Variants in MTUS1 observed in about 807,000 individuals in gnomAD.
MTUS1 encodes microtubule associated scaffold protein 1, also known as microtubule-associated tumor suppressor 1.
Under a neutral mutation model 120.8 loss-of-function variants are expected in MTUS1, and 109 were observed. That is an observed-to-expected ratio of 0.90 (90% CI 0.77 to 1.06). The LOEUF (loss-of-function observed/expected upper bound fraction) is 1.06. MTUS1 is among the 50% of genes least tolerant of loss of function. The pLI, the probability that MTUS1 is intolerant of heterozygous loss-of-function variation, is 0.00. For missense variants in MTUS1, 2,210 were observed against 1,486.3 expected (o/e 1.49, Z -8.01); for synonymous variants, 737 against 550.5 (o/e 1.34, Z -4.74).
chr8:17,771,470 A>G (rs2050018640), intron 1 of MTUS1, among the ~76,000 whole-genome samples: 1 of 152,232 alleles, frequency 6.6e-6, no homozygotes, highest in Non-Finnish European at 1.5e-5. Context: ...CAATTAAAAG[A>G]TCTGCAAATC....
chr8:17,766,351 C>T (rs770930918), intron 1 of MTUS1, among the ~76,000 whole-genome samples: 8 of 152,094 alleles, frequency 5.3e-5, no homozygotes, highest in Non-Finnish European at 7.4e-5. Flanking sequence ...TGTTTAATTC[C>T]CACTCATGCC....
chr8:17,760,667 C>G (rs1430271668), intron 1 of MTUS1, among the ~76,000 whole-genome samples: 1 of 152,180 alleles, frequency 6.6e-6, no homozygotes, highest in African/African-American at 2.4e-5. Context: ...TTGCCTTCAT[C>G]TCACCTGACT....
At chr8:17,759,593 T>C (rs905724078) in intron 1 of MTUS1, among the ~76,000 whole-genome samples, 6 of 147,962 alleles carry the variant, frequency 4.1e-5, no homozygotes, top group African/African-American at 1.5e-4. Context: ...TATATATGTA[T>C]ATTTTATATA....
intron 3 of MTUS1, among the ~76,000 whole-genome samples, chr8:17,731,411 A>G (rs2046569281): frequency 6.6e-6 from 1 of 152,224 alleles, no homozygotes; most frequent in African/African-American, 2.4e-5. Context: ...AAATGAATTT[A>G]TAATTTTAAA....
intron 13 of MTUS1, among the ~76,000 whole-genome samples, chr8:17,648,000 T>C (rs1806196106): frequency 6.6e-6 from 1 of 152,130 alleles, no homozygotes. Flanking sequence ...TAAATCACTT[T>C]CCAGAAAAGG....
chr8:17,699,023 C>T (rs558625526), intron 6 of MTUS1, among the ~76,000 whole-genome samples: 1 of 152,128 alleles, frequency 6.6e-6, no homozygotes. Flanking sequence ...GAACCTTTTC[C>T]TCTACCTCCC....
At chr8:17,656,962 G>A (rs960454293) in intron 8 of MTUS1, among the ~76,000 whole-genome samples, 3 of 150,708 alleles carry the variant, frequency 2.0e-5, no homozygotes, top group African/African-American at 7.3e-5. Flanking sequence ...GGGAAGTTGA[G>A]GCAGGAGAAT....
intron 1 of MTUS1, among the ~76,000 whole-genome samples, chr8:17,756,306 CAG>C (rs1365398741): frequency 6.6e-6 from 1 of 152,128 alleles, no homozygotes; most frequent in Non-Finnish European, 1.5e-5. Flanking sequence ...TGTTGGCTGA[CAG>C]AGTGACAATT....
chr8:17,684,565 T>A, intron 6 of MTUS1, 23 bp from the exon 7 acceptor site: 1 of 1,583,282 alleles, frequency 6.3e-7, no homozygotes, highest in South Asian at 1.1e-5. Context: ...TTAACATAGG[T>A]ACAAAGATAG....
chr8:17,724,747 G>A (rs2046100076), intron 3 of MTUS1, among the ~76,000 whole-genome samples: 2 of 152,096 alleles, frequency 1.3e-5, no homozygotes, highest in Non-Finnish European at 2.9e-5. Flanking sequence ...CCATTCTCTT[G>A]GAGAGTCTAT....
chr8:17,662,575 C>T (rs908630226), intron 8 of MTUS1, among the ~76,000 whole-genome samples: 11 of 151,790 alleles, frequency 7.2e-5, no homozygotes, highest in African/African-American at 2.2e-4. Context: ...AGACTGGTCT[C>T]GAACTTCTGG....
At chr8:17,672,730 G>A (rs7387434) in intron 8 of MTUS1, among the ~76,000 whole-genome samples, 151,453 of 152,318 alleles carry the variant, frequency 0.99, 75,308 homozygotes, top group East Asian at 1. Flanking sequence ...TGGGTGACTG[G>A]GGATCTGGAT....
At position 17,714,557 on chromosome 8, in the gene MTUS1, A is replaced by G. The variant is rs144646623; in HGVS notation, c.2584+1210T>C. On this transcript the variant is annotated intron_variant, in intron 5 of 14. Transcript: ENST00000693296. ...CAATAAAAGTCAGAAGTTGCCCACT[A>G]TAAACTGAAGTGGACAACCATAGAA... Among the ~76,000 whole-genome samples the G allele has an allele frequency of 7.1e-3, 1,081 of 152,330 alleles. 11 individuals are homozygous for G. Among genetic ancestry groups the G allele is most frequent in the African/African-American group, 0.024 (1,008 of 41,568 alleles).
intron 8 of MTUS1, among the ~76,000 whole-genome samples, chr8:17,662,965 T>G (rs902911068): frequency 6.6e-6 from 1 of 152,114 alleles, no homozygotes; most frequent in Admixed American, 6.5e-5. Flanking sequence ...ACATTGAGAT[T>G]AGAAGTCAGT....
At chr8:17,652,999 T>C (rs754984270) in intron 12 of MTUS1, among the ~76,000 whole-genome samples, 187 bp downstream of exon 12, 9 of 152,154 alleles carry the variant, frequency 5.9e-5, no homozygotes, top group Non-Finnish European at 8.8e-5. Flanking sequence ...GTATGTCAGA[T>C]TTTAGGATGG....
rs1554526123 is a variant in MTUS1, at chr8:17,756,671, A to ACCGCCCCC, written c.-154-711_-154-710insGGGGGCGG. On this transcript the variant is annotated intron_variant, in intron 1 of 14. Coordinates refer to ENST00000693296, the MANE Select transcript of MTUS1 (RefSeq NM_001363059.2). ...TCTCCAATTCATATGTCAAGCCCAA[A>ACCGCCCCC]CCCCCACCCCTTATGTAACTATGTT... 1.4e-4 allele frequency among the ~76,000 whole-genome samples: 17 copies of ACCGCCCCC among 117,540 alleles called. 1 individual carries two copies. The East Asian group carries it at 2.7e-3, about 18-fold the overall frequency. 77.1% of individuals were successfully genotyped at this position (117,540 alleles called of 152,430 possible).
At chr8:17,695,162 A>G (rs1817704894) in intron 6 of MTUS1, among the ~76,000 whole-genome samples, 3 of 152,194 alleles carry the variant, frequency 2.0e-5, no homozygotes, top group Admixed American at 2.0e-4. Flanking sequence ...ATGACATAAC[A>G]TGGATAAGCC....
intron 1 of MTUS1, among the ~76,000 whole-genome samples, chr8:17,777,851 T>C (rs563584411): frequency 6.6e-6 from 1 of 151,754 alleles, no homozygotes; most frequent in African/African-American, 2.4e-5. Flanking sequence ...TTAGAAATGA[T>C]GAAAATGTTG....
intron 1 of MTUS1, among the ~76,000 whole-genome samples, chr8:17,797,678 T>C (rs1227068392): frequency 6.6e-6 from 1 of 151,944 alleles, no homozygotes; most frequent in Non-Finnish European, 1.5e-5. Flanking sequence ...CTCCGGGGCC[T>C]GCCTTCTTCC....
Sources: allele counts gnomAD v4.1 joint callset (sites outside exome capture counted in the v4.1 genomes callset), GRCh38; gene constraint gnomAD v4.1.1; transcripts MANE v1.5; gene names NCBI Gene and HGNC (gene_info 2026-07-23, HGNC 2026-07-21).